Variants in CDKAL1 observed in about 807,000 individuals in gnomAD.
CDKAL1 encodes the protein CDKAL1 threonylcarbamoyladenosine tRNA methylthiotransferase.
CDKAL1 carries 32 observed loss-of-function variants against 68.2 expected under a neutral mutation model. The ratio of observed to expected loss-of-function variants is 0.47; its 90% CI spans 0.35 to 0.63. CDKAL1 has a LOEUF of 0.63. Among genes scored for constraint, CDKAL1 ranks in the 30% least tolerant of loss-of-function variants. The probability of loss-of-function intolerance (pLI) is 0.00; values close to 1 mark genes in which losing one functional copy is unlikely to be tolerated. For missense variants in CDKAL1, 606 were observed against 696.7 expected, an observed-to-expected ratio of 0.87 and a Z score of 1.47; for synonymous variants, 234 against 244.3, an observed-to-expected ratio of 0.96 and a Z score of 0.39.
At chr6:20,779,730 G>A (rs1189601170) in intron 7 of CDKAL1, among the ~76,000 whole-genome samples, 2 of 152,162 alleles carry the variant, frequency 1.3e-5, no homozygotes, top group East Asian at 3.9e-4. Context: ...GTTTACAGGT[G>A]CACACCACCA....
chr6:20,810,738 C>T (rs1186284194), intron 8 of CDKAL1, among the ~76,000 whole-genome samples: 1 of 150,454 alleles, frequency 6.6e-6, no homozygotes, highest in African/African-American at 2.4e-5. Context: ...AACCCAATAA[C>T]ATTGTCACAT....
chr6:20,701,178 G>A (rs1771337200), intron 5 of CDKAL1, among the ~76,000 whole-genome samples: 1 of 151,452 alleles, frequency 6.6e-6, no homozygotes, highest in Non-Finnish European at 1.5e-5. Context: ...CACATGCTGT[G>A]TTGCGACCCT....
At chr6:20,994,054 C>T (rs1766977789) in intron 10 of CDKAL1, among the ~76,000 whole-genome samples, 1 of 152,238 alleles carries the variant, frequency 6.6e-6, no homozygotes, top group Non-Finnish European at 1.5e-5. Flanking sequence ...TCAGCTCAGA[C>T]TCACCCAGCT....
At chr6:20,844,337 A>G (rs1464192347) in intron 8 of CDKAL1, among the ~76,000 whole-genome samples, 6 of 152,098 alleles carry the variant, frequency 3.9e-5, no homozygotes, top group Non-Finnish European at 8.8e-5. Flanking sequence ...TTTTATTTGC[A>G]TGTTTATGCA....
At chr6:20,695,660 T>G (rs528280020) in intron 5 of CDKAL1, among the ~76,000 whole-genome samples, 1 of 152,272 alleles carries the variant, frequency 6.6e-6, no homozygotes, top group Non-Finnish European at 1.5e-5. Flanking sequence ...CTTTTTTTCT[T>G]TGGCCAGGCA....
At chr6:20,557,041 C>CAAAAAAAAAAAA (rs199509135) in intron 4 of CDKAL1, among the ~76,000 whole-genome samples, 3 of 121,106 alleles carry the variant, frequency 2.5e-5, no homozygotes, top group Non-Finnish European at 3.5e-5. Flanking sequence ...GTCTCCATCT[C>CAAAAAAAAAAAA]AAAAAAAAAA....
rs760864278 is a variant in CDKAL1, at chr6:21,135,665, T to C, written c.1299+27202T>C. On this transcript the variant is annotated intron_variant, in intron 13 of 15. Transcript: ENST00000274695. Reference sequence around the variant, plus strand: ...CAGCAACATAGAAACTATTGGACTGTGCTTCTTTAAAATTAAGGACATTCA... The same window carrying C: ...CAGCAACATAGAAACTATTGGACTGCGCTTCTTTAAAATTAAGGACATTCA... The C allele has an allele frequency of 1.3e-4, 130 of 982,292 alleles. 1 individual carries two copies. The highest frequency in any genetic ancestry group is 3.7e-4 in the Admixed American group (6 of 16,260). 60.8% of individuals were successfully genotyped at this position (982,292 alleles called of 1,614,324 possible). A position where few individuals can be genotyped will look rare whatever the true frequency, so the allele number is the denominator to read the frequency against.
In CDKAL1 at chr6:21,030,928, C is replaced by T. The variant is rs1272586462; in HGVS notation, c.1055+30556C>T. On this transcript the variant is annotated intron_variant, in intron 11 of 15. Coordinates refer to ENST00000274695, the MANE Select transcript of CDKAL1 (RefSeq NM_017774.3). Reference sequence around the variant, plus strand: ...GGTGCTGGTGCATGTCTCTTTCCCTCATTTCAAACTCTGTATTTGTTTTCT... The same window carrying T: ...GGTGCTGGTGCATGTCTCTTTCCCTTATTTCAAACTCTGTATTTGTTTTCT... Among the ~76,000 whole-genome samples, 4 of 152,110 alleles carry T rather than the reference C, an allele frequency of 2.6e-5. No homozygotes were observed. The East Asian group carries it at 5.8e-4, about 22-fold the overall frequency.
chr6:20,667,000 A>T (rs1446363311), intron 5 of CDKAL1, among the ~76,000 whole-genome samples: 1 of 126,758 alleles, frequency 7.9e-6, no homozygotes, highest in Non-Finnish European at 1.6e-5. Flanking sequence ...TCTAAAACAA[A>T]TGTCTATGTT....
intron 12 of CDKAL1, among the ~76,000 whole-genome samples, chr6:21,097,280 A>T (rs555575145): frequency 3.9e-4 from 59 of 152,070 alleles, no homozygotes; most frequent in African/African-American, 1.3e-3. Context: ...GACCAGCCTG[A>T]CCAACAGGGT....
chr6:20,952,304 AAATTCC>A (rs1274931232), intron 9 of CDKAL1, among the ~76,000 whole-genome samples: 27 of 146,866 alleles, frequency 1.8e-4, no homozygotes, highest in South Asian at 8.3e-4. Context: ...TATACTTACC[AAATTCC>A]AAGTTATAGT....
intron 5 of CDKAL1, among the ~76,000 whole-genome samples, chr6:20,712,671 G>A (rs1771902513): frequency 6.6e-6 from 1 of 151,336 alleles, no homozygotes; most frequent in African/African-American, 2.4e-5. Flanking sequence ...TTGAGATGGA[G>A]TCTCACTCTG....
chr6:20,896,989 C>T (rs1269212634), intron 9 of CDKAL1, among the ~76,000 whole-genome samples: 4 of 152,146 alleles, frequency 2.6e-5, no homozygotes, highest in Non-Finnish European at 4.4e-5. Context: ...AAAATGCCTT[C>T]GAATGAGTAT....
intron 11 of CDKAL1, among the ~76,000 whole-genome samples, chr6:21,018,216 T>C (rs966788968): frequency 3.9e-5 from 6 of 152,200 alleles, no homozygotes; most frequent in African/African-American, 1.4e-4. Context: ...TGTGGACTCA[T>C]AGCACTTCTT....
At chr6:20,801,407 C>T (rs1776358723) in intron 8 of CDKAL1, among the ~76,000 whole-genome samples, 1 of 152,222 alleles carries the variant, frequency 6.6e-6, no homozygotes, top group African/African-American at 2.4e-5. Context: ...GCACACCTGT[C>T]TACCCACCAT....
At chr6:21,217,961 A>C (rs772068958) in intron 15 of CDKAL1, among the ~76,000 whole-genome samples, 7 of 152,200 alleles carry the variant, frequency 4.6e-5, no homozygotes, top group South Asian at 2.1e-4. Flanking sequence ...TTATATGTGA[A>C]GCAAGTGTCT....
intron 13 of CDKAL1, among the ~76,000 whole-genome samples, chr6:21,140,724 G>A (rs959064464): frequency 2.6e-5 from 4 of 152,140 alleles, no homozygotes; most frequent in African/African-American, 7.2e-5. Context: ...TACCGCTAGC[G>A]CTCAGCATTA....
chr6:20,689,356 A>G (rs1349874086), intron 5 of CDKAL1, among the ~76,000 whole-genome samples: 5 of 152,056 alleles, frequency 3.3e-5, no homozygotes, highest in African/African-American at 9.7e-5. Context: ...AGATTTTCCT[A>G]CCCTAACACT....
chr6:20,809,743 A>C (rs1227451735), intron 8 of CDKAL1, among the ~76,000 whole-genome samples: 1 of 152,178 alleles, frequency 6.6e-6, no homozygotes, highest in Non-Finnish European at 1.5e-5. Context: ...TTCAAAGATG[A>C]GTTGCTCTAC....
Sources: gnomAD v4.1 joint callset for allele counts (sites outside exome capture counted in the v4.1 genomes callset) on GRCh38, gnomAD v4.1.1 for gene constraint, MANE v1.5 for transcripts, NCBI Gene and HGNC (gene_info 2026-07-23, HGNC 2026-07-21) for gene names.